NIPBL: variants seen among roughly 807,000 people sequenced by gnomAD.
NIPBL encodes NIPBL cohesin loading factor, also known as nipped-B-like protein.
In NIPBL, 19 loss-of-function variants were observed where a neutral mutation model predicts 321.8. The ratio of observed to expected loss-of-function variants is 0.06; its 90% CI spans 0.04 to 0.09. The LOEUF is 0.09. Ranked by LOEUF, NIPBL falls within the 10% of genes least tolerant of loss-of-function variation. The pLI, the probability that NIPBL is intolerant of heterozygous loss-of-function variation, is 1.00. For missense variants in NIPBL, 2,210 were observed against 3,327.0 expected (o/e 0.66, Z 8.26); for synonymous variants, 1,106 against 1,114.1 (o/e 0.99, Z 0.14).
At chr5:36,921,286 G>A (rs769934051) in intron 1 of NIPBL, among the ~76,000 whole-genome samples, 61 of 152,054 alleles carry the variant, frequency 4.0e-4, no homozygotes, top group Admixed American at 7.2e-4. Flanking sequence ...TAGAGTGGAT[G>A]TAAAAATCTA....
chr5:36,914,209 A>C (rs981578911), intron 1 of NIPBL, among the ~76,000 whole-genome samples: 3 of 152,132 alleles, frequency 2.0e-5, no homozygotes, highest in African/African-American at 7.2e-5. Flanking sequence ...ACCTTACCCT[A>C]CTGGTAAGTG....
At chr5:36,934,444 G>A (rs747131198) in intron 1 of NIPBL, among the ~76,000 whole-genome samples, 2 of 152,048 alleles carry the variant, frequency 1.3e-5, no homozygotes, top group African/African-American at 4.8e-5. Context: ...GTTGGAACTT[G>A]AAGGATGGTA....
intron 1 of NIPBL, chr5:36,886,170 C>T: frequency 1.6e-6 from 1 of 644,388 alleles, no homozygotes; most frequent in Non-Finnish European, 2.9e-6. Flanking sequence ...TTCTGGAGAA[C>T]AGCCTGAGGG....
At chr5:36,986,801 A>G (rs940308874) in intron 10 of NIPBL, among the ~76,000 whole-genome samples, 1 of 152,184 alleles carries the variant, frequency 6.6e-6, no homozygotes, top group Non-Finnish European at 1.5e-5. Context: ...TTTTTAAAAC[A>G]TATCTTTTTG....
chr5:36,884,698 T>C (rs540581222), intron 1 of NIPBL, among the ~76,000 whole-genome samples: 1 of 152,338 alleles, frequency 6.6e-6, no homozygotes, highest in African/African-American at 2.4e-5. Context: ...ATTTGTTGTT[T>C]AGTTAGAATT....
At chr5:37,001,580 C>T (rs1371676024) in intron 14 of NIPBL, among the ~76,000 whole-genome samples, 7 of 152,070 alleles carry the variant, frequency 4.6e-5, no homozygotes, top group Admixed American at 4.6e-4. Flanking sequence ...TTCTTCTGTT[C>T]ATTTATTCTA....
intron 45 of NIPBL, among the ~76,000 whole-genome samples, chr5:37,063,095 T>G (rs1754950183): frequency 6.6e-6 from 1 of 152,134 alleles, no homozygotes; most frequent in South Asian, 2.1e-4. Context: ...CACAAGCACT[T>G]TGGGAGGCTG....
chr5:36,997,554 A>G (rs1746274046), intron 11 of NIPBL, among the ~76,000 whole-genome samples: 1 of 152,158 alleles, frequency 6.6e-6, no homozygotes, highest in Non-Finnish European at 1.5e-5. Flanking sequence ...ACCCTGTTAT[A>G]TCTATGCCCA....
Position 37,002,643 on chromosome 5 carries a change from G to C in NIPBL, c.3665-19G>C, listed in dbSNP as rs1561140808. On this transcript the variant is annotated intron_variant, in intron 14 of 46. Transcript: ENST00000282516. ...ATTTACCTAAACTTTGTTTGTGTTT[G>C]TTTGGCTTGATTTTGCAGGTGATGA... is the stretch of plus-strand genomic sequence containing the variant. The C allele has an allele frequency of 6.7e-7, 1 of 1,498,458 alleles. No homozygotes were observed. Among genetic ancestry groups the C allele is most frequent in the Admixed American group, 1.7e-5 (1 of 59,744 alleles). 92.8% of individuals were successfully genotyped at this position (1,498,458 alleles called of 1,614,324 possible).
At chr5:36,952,072 G>GCGCGCT (rs1328676967) in intron 1 of NIPBL, among the ~76,000 whole-genome samples, 1 of 136,632 alleles carries the variant, frequency 7.3e-6, no homozygotes. Flanking sequence ...GCGCGCGCGC[G>GCGCGCT]CATGTGTGTG....
chr5:36,977,642 A>C (rs1266300630), intron 9 of NIPBL, among the ~76,000 whole-genome samples: 2 of 149,172 alleles, frequency 1.3e-5, no homozygotes, highest in Non-Finnish European at 3.0e-5. Context: ...ATATATGTAC[A>C]GGGGTTTGTT....
chr5:36,970,411 CTA>C lies in NIPBL; in HGVS notation c.611-446_611-445del, dbSNP rs34663125. 8.5e-3 allele frequency among the ~76,000 whole-genome samples: 1,227 copies of C among 143,528 alleles called. 12 individuals are homozygous for C. The highest frequency in any genetic ancestry group is 0.029 in the African/African-American group (1,146 of 39,554). The allele number at this position is 143,528 out of a possible 152,430, so 94.2% of individuals were successfully genotyped here. ...AATAAATAAATAAAAGAATTTAAAA[CTA>C]TATATATATATATATATAAAATCTC... On this transcript the variant is annotated intron_variant, in intron 6 of 46. Coordinates refer to ENST00000282516, the MANE Select transcript of NIPBL (RefSeq NM_133433.4).
chr5:36,946,398 T>C (rs1200353512), intron 1 of NIPBL, among the ~76,000 whole-genome samples: 1 of 152,114 alleles, frequency 6.6e-6, no homozygotes, highest in East Asian at 1.9e-4. Context: ...TTTCCTCAGA[T>C]ATTTTCCTCC....
At chr5:37,036,137 A>G (rs1264985483) in intron 32 of NIPBL, among the ~76,000 whole-genome samples, 2 of 151,924 alleles carry the variant, frequency 1.3e-5, no homozygotes, top group Non-Finnish European at 1.5e-5. Flanking sequence ...ACTTTGTAGT[A>G]AAATTGTTTG....
chr5:37,027,288 G>A (rs1029311181), intron 31 of NIPBL, 71 bp from the exon 32 acceptor site: 3 of 1,173,780 alleles, frequency 2.6e-6, no homozygotes, highest in Admixed American at 1.7e-5. Flanking sequence ...TCAGGCTAAA[G>A]CATAACAAAA....
chr5:37,036,273 T>C (rs1398634543), intron 32 of NIPBL, 106 bp from the exon 33 acceptor site: 2 of 257,182 alleles, frequency 7.8e-6, no homozygotes, highest in African/African-American at 2.3e-5. Flanking sequence ...ATGGACACTT[T>C]TAATGTGTTT....
chr5:36,993,323 A>G (rs915869517), intron 10 of NIPBL, among the ~76,000 whole-genome samples: 4 of 152,212 alleles, frequency 2.6e-5, no homozygotes, highest in South Asian at 2.1e-4. Context: ...AGTTAAAATG[A>G]TCTAGAGGAT....
At chr5:36,961,386 AT>A in intron 4 of NIPBL, 97 bp from the exon 5 acceptor site, 1 of 790,058 alleles carries the variant, frequency 1.3e-6, no homozygotes, top group Non-Finnish European at 2.2e-6. Context: ...GATCAAAAAA[AT>A]CTCTGGAATG....
intron 14 of NIPBL, 32 bp downstream of exon 14, chr5:37,001,110 C>T (rs777314834): frequency 5.9e-6 from 8 of 1,359,066 alleles, no homozygotes; most frequent in Admixed American, 3.4e-5. Context: ...TTTACACATA[C>T]TCTAAGTGTC....
Sources: gnomAD v4.1 joint callset for allele counts (sites outside exome capture counted in the v4.1 genomes callset) on GRCh38, gnomAD v4.1.1 for gene constraint, MANE v1.5 for transcripts, NCBI Gene and HGNC (gene_info 2026-07-23, HGNC 2026-07-21) for gene names.